Variants in IQSEC1 observed in about 807,000 individuals in gnomAD.
IQSEC1 encodes the protein IQ motif and SEC7 domain-containing protein 1.
Under a neutral mutation model 91.0 loss-of-function variants are expected in IQSEC1, and 31 were observed. That is an observed-to-expected ratio of 0.34 (90% confidence interval 0.26 to 0.46). The LOEUF is 0.46. IQSEC1 is among the 20% of genes least tolerant of loss of function. The pLI is 1.00. For missense variants in IQSEC1, 1,388 were observed against 1,575.6 expected (o/e 0.88, Z 2.02); for synonymous variants, 699 against 662.6 (o/e 1.05, Z -0.84).
At chr3:13,027,634 A>C in intron 1 of IQSEC1, among the ~76,000 whole-genome samples, 1 of 152,112 alleles carries the variant, frequency 6.6e-6, no homozygotes, top group East Asian at 1.9e-4. Flanking sequence ...AGAGGAGTGG[A>C]AGATGATGCC....
Position 12,899,713 on chromosome 3 carries a change from G to A in IQSEC1, c.*1270C>T, listed in dbSNP as rs553366606. On this transcript the variant is annotated 3_prime_UTR_variant, in exon 14 of 14. Coordinates refer to ENST00000613206, the MANE Select transcript of IQSEC1 (RefSeq NM_001134382.3). ...ACTGCTACCACTCAGAAAACAAAAC[G>A]GGAAACACACACACCGCCCTGGGTT... The A allele has an allele frequency of 3.0e-6, 3 of 985,394 alleles. No homozygotes were observed. Among genetic ancestry groups the A allele is most frequent in the East Asian group, 1.1e-4 (1 of 8,814 alleles). The allele number at this position is 985,394 out of a possible 1,614,324, so 61.0% of individuals were successfully genotyped here.
intron 2 of IQSEC1, among the ~76,000 whole-genome samples, chr3:13,098,511 G>A (rs1025805686): frequency 2.6e-5 from 4 of 152,206 alleles, no homozygotes; most frequent in Non-Finnish European, 2.9e-5. Flanking sequence ...GTCAAGAGGA[G>A]GGTGAGGGTT....
intron 9 of IQSEC1, among the ~76,000 whole-genome samples, chr3:12,913,081 T>G (rs1392739666): frequency 6.6e-6 from 1 of 152,254 alleles, no homozygotes; most frequent in Non-Finnish European, 1.5e-5. Context: ...GGATCAGGTC[T>G]GGAGCTGCTG....
intron 13 of IQSEC1, among the ~76,000 whole-genome samples, chr3:12,902,344 G>A (rs1034305890): frequency 2.6e-5 from 4 of 152,150 alleles, no homozygotes; most frequent in Non-Finnish European, 4.4e-5. Context: ...GGGCGTGGAA[G>A]TCAAGGGTTC....
At position 12,994,621 on chromosome 3, in the gene IQSEC1, C is replaced by T. The variant is rs568703737; in HGVS notation, c.24-52756G>A. Among the ~76,000 whole-genome samples the T allele has an allele frequency of 9.5e-4, 144 of 152,324 alleles. 1 individual carries two copies. In the South Asian group the frequency reaches 0.01, roughly 11 times the overall value. On this transcript the variant is annotated intron_variant, in intron 1 of 13. Transcript: ENST00000613206. The surrounding 1 kb of genome is among the most constrained non-coding windows in gnomAD (Gnocchi z 4.5). Reference sequence around the variant, plus strand: ...AAGCTGCAGCCCCGGCCGAAACGCCCCACCCCCGCCGCCGTCCCCAGTTCG... The same window carrying T: ...AAGCTGCAGCCCCGGCCGAAACGCCTCACCCCCGCCGCCGTCCCCAGTTCG...
At chr3:13,105,334 C>T (rs1211704473) in intron 2 of IQSEC1, among the ~76,000 whole-genome samples, 2 of 152,288 alleles carry the variant, frequency 1.3e-5, no homozygotes, top group Non-Finnish European at 2.9e-5. Flanking sequence ...CAGAGCGAGG[C>T]CTGGAGTCCA....
intron 2 of IQSEC1, among the ~76,000 whole-genome samples, chr3:13,123,450 AG>A (rs1353291788): frequency 6.6e-6 from 1 of 152,228 alleles, no homozygotes; most frequent in Admixed American, 6.5e-5. Flanking sequence ...GGCCTGGGCC[AG>A]TGGGCATACG....
At chr3:12,946,364 T>C (rs1699181421) in intron 1 of IQSEC1, among the ~76,000 whole-genome samples, 1 of 152,226 alleles carries the variant, frequency 6.6e-6, no homozygotes, top group African/African-American at 2.4e-5. Flanking sequence ...CTGGGCTACA[T>C]GCAGACCAAG....
chr3:13,093,819 C>G (rs1705910303), intron 2 of IQSEC1, among the ~76,000 whole-genome samples: 1 of 152,168 alleles, frequency 6.6e-6, no homozygotes, highest in African/African-American at 2.4e-5. Context: ...GCTAGGTCTC[C>G]CCCTGTCCGT....
At chr3:13,073,623 C>T (rs558292882), upstream of IQSEC1, among the ~76,000 whole-genome samples, 6 of 152,380 alleles carry the variant, frequency 3.9e-5, no homozygotes, top group Admixed American at 2.6e-4. Context: ...CTTCCTGGCC[C>T]GCGCTGGAAA....
At chr3:12,952,544 C>A (rs578069784) in intron 1 of IQSEC1, among the ~76,000 whole-genome samples, 1 of 152,290 alleles carries the variant, frequency 6.6e-6, no homozygotes, top group African/African-American at 2.4e-5. Context: ...CACCCAGCAA[C>A]TGAGGTCCTG....
upstream of IQSEC1, among the ~76,000 whole-genome samples, chr3:13,077,926 C>T (rs1191019148): frequency 6.6e-6 from 1 of 152,242 alleles, no homozygotes; most frequent in Admixed American, 6.5e-5. Context: ...GGAGTCCTGG[C>T]TGATGGAGAT....
intron 2 of IQSEC1, among the ~76,000 whole-genome samples, chr3:13,158,362 A>G (rs553657917): frequency 3.9e-5 from 6 of 152,362 alleles, no homozygotes; most frequent in African/African-American, 1.4e-4. Context: ...TGAACAAAAT[A>G]AACTGTGTGT....
At chr3:12,932,500 T>C (rs563204112) in intron 3 of IQSEC1, among the ~76,000 whole-genome samples, 13 of 152,316 alleles carry the variant, frequency 8.5e-5, no homozygotes, top group African/African-American at 3.1e-4. Flanking sequence ...CTGGGAACCA[T>C]GCCTGGCGCA....
At chr3:13,095,480 T>C (rs1024724405) in intron 2 of IQSEC1, among the ~76,000 whole-genome samples, 1 of 152,082 alleles carries the variant, frequency 6.6e-6, no homozygotes, top group Non-Finnish European at 1.5e-5. Flanking sequence ...CTAAGAACAT[T>C]TGAGACATGT....
At chr3:13,026,955 C>G (rs1703644982) in intron 1 of IQSEC1, among the ~76,000 whole-genome samples, 2 of 150,504 alleles carry the variant, frequency 1.3e-5, no homozygotes, top group Admixed American at 6.6e-5. Flanking sequence ...TATATAAACC[C>G]AGCTCTGCCT....
chr3:13,166,393 T>C (rs1320325209), intron 1 of IQSEC1, among the ~76,000 whole-genome samples: 11 of 152,220 alleles, frequency 7.2e-5, no homozygotes, highest in South Asian at 6.2e-4. Context: ...GCTTGTTATG[T>C]GGCTGAGGCA....
intron 1 of IQSEC1, among the ~76,000 whole-genome samples, chr3:13,194,426 C>T (rs1323207611): frequency 6.6e-6 from 1 of 152,152 alleles, no homozygotes; most frequent in East Asian, 1.9e-4. Flanking sequence ...GTCCCCTGTC[C>T]CTCAGGTGCC....
intron 8 of IQSEC1, among the ~76,000 whole-genome samples, chr3:12,914,268 C>T (rs1695854551): frequency 1.3e-5 from 2 of 152,228 alleles, no homozygotes; most frequent in South Asian, 4.1e-4. Flanking sequence ...CCCTTGAGGC[C>T]CAATGCCTCA....
Sources: gnomAD v4.1 joint callset for allele counts (sites outside exome capture counted in the v4.1 genomes callset) on GRCh38, gnomAD v4.1.1 for gene constraint, Gnocchi (gnomAD v3.1) non-coding constraint, MANE v1.5 for transcripts, NCBI Gene and HGNC (gene_info 2026-07-23, HGNC 2026-07-21) for gene names.